ITGAD: variants seen among roughly 807,000 people sequenced by gnomAD.
ITGAD encodes the protein integrin alpha-D.
ITGAD carries 105 observed loss-of-function variants against 139.0 expected under a neutral mutation model. The observed-to-expected ratio is 0.76, with a 90% CI of 0.65 to 0.89. The LOEUF (loss-of-function observed/expected upper bound fraction) is 0.89. Among genes scored for constraint, ITGAD ranks in the 40% least tolerant of loss-of-function variants. The pLI is 0.00. For synonymous variants in ITGAD, 569 were observed against 598.3 expected (o/e 0.95, Z 0.71); for missense variants, 1,384 against 1,487.3 (o/e 0.93, Z 1.14).
In ITGAD at chr16:31,411,969, C is replaced by T. The variant is rs191999112; in HGVS notation, c.1707+452C>T. ...CAAATATATTATACGCCTATTGTTA[C>T]GCTCTTACTTCCTCACCAACCTGCA... On this transcript the variant is annotated intron_variant, in intron 14 of 29. Transcript: ENST00000389202. 5.3e-4 allele frequency among the ~76,000 whole-genome samples: 81 copies of T among 152,296 alleles called. 1 individual carries two copies. Among genetic ancestry groups the T allele is most frequent in the Admixed American group, 1.7e-3 (26 of 15,298 alleles).
At chr16:31,394,169 G>A in intron 1 of ITGAD, 67 bp from the exon 2 acceptor site, 1 of 929,834 alleles carries the variant, frequency 1.1e-6, no homozygotes, top group East Asian at 2.5e-5. Context: ...AGAAAAAGAG[G>A]CTGGGAGGTC....
At chr16:31,395,608 C>T (rs930761152) in intron 2 of ITGAD, among the ~76,000 whole-genome samples, 3 of 152,108 alleles carry the variant, frequency 2.0e-5, no homozygotes, top group Non-Finnish European at 4.4e-5. Context: ...GTAAGAGCCC[C>T]CCAACCCCAA....
Position 31,424,596 on chromosome 16 carries a change from TC to T in ITGAD, c.3372+20del, listed in dbSNP as rs1196081063. The T allele has an allele frequency of 3.1e-6, 4 of 1,290,344 alleles. No individual in the cohort carries two copies. Among genetic ancestry groups the T allele is most frequent in the South Asian group, 1.3e-5 (1 of 75,416 alleles). The allele number at this position is 1,290,344 out of a possible 1,614,324, so 79.9% of individuals were successfully genotyped here. On this transcript the variant is annotated intron_variant, in intron 29 of 29. Transcript: ENST00000389202. ...GTACAAGGCAAGTGTTTTATCCAAC[TC>T]TTTTTTTTTTTTTTTTGAGATGGAG...
intron 2 of ITGAD, among the ~76,000 whole-genome samples, chr16:31,397,149 C>T (rs1433247322): frequency 6.9e-6 from 1 of 144,332 alleles, no homozygotes; most frequent in African/African-American, 2.6e-5. Flanking sequence ...CTTATGCACA[C>T]TCAAAACCAA....
At chr16:31,397,062 GTTTTTTTTTTTTTT>G (rs539015704) in intron 2 of ITGAD, among the ~76,000 whole-genome samples, 16 of 100,808 alleles carry the variant, frequency 1.6e-4, no homozygotes, top group East Asian at 1.1e-3. Context: ...CTTTAAATAG[GTTTTTTTTTTTTTT>G]TTTTTTTTTT....
At chr16:31,402,039 G>A (rs1376034671) in intron 5 of ITGAD, 76 bp from the exon 6 acceptor site, 4 of 1,529,532 alleles carry the variant, frequency 2.6e-6, no homozygotes, top group Non-Finnish European at 3.6e-6. Context: ...CAGCCCCCGG[G>A]CTCTGTTGAG....
At chr16:31,412,158 A>T (rs1202163401) in intron 14 of ITGAD, among the ~76,000 whole-genome samples, 1 of 150,716 alleles carries the variant, frequency 6.6e-6, no homozygotes, top group Non-Finnish European at 1.5e-5. Flanking sequence ...CAACCTCCCG[A>T]GTAGCCTCCC....
intron 23 of ITGAD, 39 bp downstream of exon 23, chr16:31,418,603 T>C (rs1259415768): frequency 1.4e-6 from 2 of 1,459,590 alleles, no homozygotes; most frequent in South Asian, 2.3e-5. Flanking sequence ...CCTCTGGCCT[T>C]CCTCTATGCC....
At chr16:31,420,213 G>T (rs1422515421) in intron 23 of ITGAD, among the ~76,000 whole-genome samples, 4 of 152,152 alleles carry the variant, frequency 2.6e-5, no homozygotes, top group Non-Finnish European at 5.9e-5. Context: ...AGAGGTGTGA[G>T]AAACTGTTGG....
At position 31,414,962 on chromosome 16, in the gene ITGAD, G is replaced by A. The variant is rs768316242; in HGVS notation, c.2254G>A (p.Val752Met). 13 of 1,614,034 alleles carry A rather than the reference G, an allele frequency of 8.1e-6. No individual in the cohort carries two copies. Among genetic ancestry groups the A allele is most frequent in the Non-Finnish European group, 9.3e-6 (11 of 1,179,988 alleles). Reference protein sequence around the residue: ...SPQNLRPVLAVGSQDLFTASL... With the variant: ...SPQNLRPVLAMGSQDLFTASL... ...CCAGAACCTGCGTCCTGTGCTGGCC[G>A]TGGGCTCACAAGACCTCTTCACTGC... The change falls in exon 18 of 30, where the codon GTG (valine) becomes ATG (methionine). Residue 752 changes from valine to methionine, a missense_variant. Transcript: ENST00000389202.
chr16:31,410,994 G>C, intron 12 of ITGAD, 82 bp from the exon 13 acceptor site: 1 of 1,602,282 alleles, frequency 6.2e-7, no homozygotes, highest in East Asian at 2.2e-5. Flanking sequence ...AGAGGTCCTG[G>C]TACCTGGGGA....
At chr16:31,408,558 G>A in intron 10 of ITGAD, 60 bp downstream of exon 10, 4 of 1,465,212 alleles carry the variant, frequency 2.7e-6, no homozygotes, top group Non-Finnish European at 3.8e-6. Flanking sequence ...CCCACCCTGG[G>A]CTGGGGGCTG....
chr16:31,393,462 T>C, intron 1 of ITGAD, 71 bp downstream of exon 1: 1 of 1,547,262 alleles, frequency 6.5e-7, no homozygotes. Flanking sequence ...GAGGGCAGGC[T>C]GGGGGCTGGT....
At chr16:31,408,210 GATCCGCC>G (rs2081589015) in intron 9 of ITGAD, among the ~76,000 whole-genome samples, 1 of 152,162 alleles carries the variant, frequency 6.6e-6, no homozygotes, top group Non-Finnish European at 1.5e-5. Flanking sequence ...GACCTCAGGT[GATCCGCC>G]AACCTTAGCT....
At position 31,413,229 on chromosome 16, in the gene ITGAD, G is replaced by A. The variant is rs571120150; in HGVS notation, c.1979G>A (p.Ser660Asn). 4 of 1,614,112 alleles carry A rather than the reference G, an allele frequency of 2.5e-6. No homozygotes were observed. The highest frequency in any genetic ancestry group is 3.4e-6 in the Non-Finnish European group (4 of 1,179,998). ...DATVCLTIQK[S>N]SLDQLGDIQS... ...ACCGTCTGTCTCACCATCCAGAAAA[G>A]CTCACTGGACCAGCTAGGTGTGTTT... The change falls in exon 16 of 30, where the codon AGC (serine) becomes AAC (asparagine). Residue 660 changes from serine to asparagine, a missense_variant. Physicochemically the swap from Ser to Asn is conservative, Grantham distance 46. Transcript: ENST00000389202.
At chr16:31,410,293 G>C in intron 10 of ITGAD, 102 bp from the exon 11 acceptor site, 1 of 1,537,196 alleles carries the variant, frequency 6.5e-7, no homozygotes, top group African/African-American at 1.4e-5. Flanking sequence ...AGACAGAGAA[G>C]AAAAGCCTGG....
Position 31,414,932 on chromosome 16 carries a change from T to C in ITGAD, c.2224T>C (p.Ser742Pro). 1 of 1,613,798 alleles carries C rather than the reference T, an allele frequency of 6.2e-7. No individual in the cohort carries two copies. The highest frequency in any genetic ancestry group is 8.5e-7 in the Non-Finnish European group (1 of 1,179,878). ...NFSLVREPIP[S>P]PQNLRPVLAV... is the part of the protein sequence containing the mutation. Reference sequence around the variant, plus strand: ...CTCACTGGTGAGAGAGCCCATCCCCTCCCCCCAGAACCTGCGTCCTGTGCT... The same window carrying C: ...CTCACTGGTGAGAGAGCCCATCCCCCCCCCCCAGAACCTGCGTCCTGTGCT... The change falls in exon 18 of 30, where the codon TCC (serine) becomes CCC (proline). Residue 742 changes from serine to proline, a missense_variant. Transcript: ENST00000389202.
intron 1 of ITGAD, among the ~76,000 whole-genome samples, 197 bp downstream of exon 1, chr16:31,393,588 G>A (rs1037407019): frequency 1.3e-5 from 2 of 152,112 alleles, no homozygotes; most frequent in Non-Finnish European, 2.9e-5. Context: ...CTGTGCTCAG[G>A]TGGCGACTAA....
intron 7 of ITGAD, among the ~76,000 whole-genome samples, chr16:31,405,879 G>C (rs1045001764): frequency 2.6e-5 from 4 of 152,200 alleles, no homozygotes; most frequent in South Asian, 2.1e-4. Flanking sequence ...CGGGCCTCGA[G>C]AGAGCCTCCT....
Sources: gnomAD v4.1 joint callset for allele counts (sites outside exome capture counted in the v4.1 genomes callset) on GRCh38, gnomAD v4.1.1 for gene constraint, MANE v1.5 for transcripts, NCBI Gene and HGNC (gene_info 2026-07-23, HGNC 2026-07-21) for gene names.